Variants in XRCC4 observed in about 807,000 individuals in gnomAD.
XRCC4 encodes the protein X-ray repair cross complementing 4, also known as DNA repair protein XRCC4.
XRCC4 carries 28 observed loss-of-function variants against 39.1 expected under a neutral mutation model. The ratio of observed to expected loss-of-function variants is 0.72; its 90% CI spans 0.53 to 0.98. XRCC4 has a LOEUF of 0.98. XRCC4 is among the 50% of genes least tolerant of loss of function. The pLI is 0.00. For synonymous variants in XRCC4, 123 were observed against 126.4 expected (o/e 0.97, Z 0.18); for missense variants, 350 against 376.4 (o/e 0.93, Z 0.58).
At chr5:83,168,656 T>C (rs2974442) in intron 3 of XRCC4, among the ~76,000 whole-genome samples, 146,766 of 152,226 alleles carry the variant, frequency 0.96, 70,807 homozygotes, top group East Asian at 1. Flanking sequence ...GACCAACATA[T>C]GGTCCAAATT....
chr5:83,174,072 C>T (rs984282284), intron 3 of XRCC4, among the ~76,000 whole-genome samples: 1 of 152,114 alleles, frequency 6.6e-6, no homozygotes, highest in Non-Finnish European at 1.5e-5. Flanking sequence ...TGGGAGCTAC[C>T]GTGCTAAGAA....
At chr5:83,201,089 T>G (rs1374932410) in intron 4 of XRCC4, 1 of 152,218 alleles carries the variant, frequency 6.6e-6, no homozygotes, top group Non-Finnish European at 1.5e-5. Context: ...TGAAAAACAT[T>G]ACTTTTACAA....
intron 4 of XRCC4, among the ~76,000 whole-genome samples, chr5:83,200,501 T>C (rs1357854699): frequency 6.6e-6 from 1 of 152,190 alleles, no homozygotes; most frequent in Non-Finnish European, 1.5e-5. Flanking sequence ...CAATATTCTT[T>C]AGGAATATTA....
At chr5:83,257,355 A>C (rs201363583) in intron 6 of XRCC4, among the ~76,000 whole-genome samples, 5 of 149,904 alleles carry the variant, frequency 3.3e-5, no homozygotes, top group South Asian at 2.1e-4. Flanking sequence ...AAAAAAAAAA[A>C]CCCATTAAAA....
In XRCC4 at chr5:83,351,994, TTG is replaced by T. The variant is rs141601753; in HGVS notation, c.894-1134_894-1133del. The stretch of plus-strand genomic sequence containing the variant: ...GTAATAATAATAGTTTCCAAATTCT[TTG>T]TGGGAATTTACAAGCATTTACATTT... On this transcript the variant is annotated intron_variant, in intron 7 of 7. Coordinates refer to ENST00000396027, the MANE Select transcript of XRCC4 (RefSeq NM_003401.5). 5.0e-3 allele frequency among the ~76,000 whole-genome samples: 755 copies of T among 152,298 alleles called. 15 individuals are homozygous for T. Among genetic ancestry groups the T allele is most frequent in the Admixed American group, 0.027 (418 of 15,298 alleles).
At chr5:83,099,068 T>G (rs1561324131) in intron 1 of XRCC4, among the ~76,000 whole-genome samples, 1 of 152,172 alleles carries the variant, frequency 6.6e-6, no homozygotes, top group Non-Finnish European at 1.5e-5. Flanking sequence ...ATAAAAATAA[T>G]AAGGTCAAAC....
chr5:83,098,565 A>C (rs1435096792), intron 1 of XRCC4, among the ~76,000 whole-genome samples: 1 of 152,140 alleles, frequency 6.6e-6, no homozygotes, highest in East Asian at 1.9e-4. Context: ...ATCTAACTCA[A>C]AAATATTATT....
chr5:83,321,214 G>T (rs111461164), intron 7 of XRCC4, among the ~76,000 whole-genome samples: 11 of 152,246 alleles, frequency 7.2e-5, no homozygotes, highest in African/African-American at 2.6e-4. Flanking sequence ...ACTTTATTGA[G>T]ATTTTGACTT....
chr5:83,264,640 A>T (rs571187725), intron 7 of XRCC4, among the ~76,000 whole-genome samples: 5 of 152,214 alleles, frequency 3.3e-5, no homozygotes, highest in African/African-American at 1.2e-4. Context: ...ACCACCGTTG[A>T]GACCTGGTAC....
chr5:83,136,035 T>G (rs1328231143), intron 3 of XRCC4, among the ~76,000 whole-genome samples: 1 of 152,202 alleles, frequency 6.6e-6, no homozygotes. Flanking sequence ...GGTAAGTTAT[T>G]TAGAAACAGT....
chr5:83,354,794 C>G (rs1006512336), downstream of XRCC4, among the ~76,000 whole-genome samples: 1 of 152,128 alleles, frequency 6.6e-6, no homozygotes, highest in African/African-American at 2.4e-5. Flanking sequence ...CTTGCACATC[C>G]TGTTATTTTT....
chr5:83,214,540 A>G (rs1751777269), intron 6 of XRCC4, among the ~76,000 whole-genome samples: 1 of 152,100 alleles, frequency 6.6e-6, no homozygotes, highest in African/African-American at 2.4e-5. Flanking sequence ...ATCTTTAAAA[A>G]ATAAGGAATT....
At chr5:83,105,779 G>A (rs150405640) in intron 2 of XRCC4, among the ~76,000 whole-genome samples, 131 of 152,114 alleles carry the variant, frequency 8.6e-4, no homozygotes, top group African/African-American at 3.0e-3. Context: ...CTTTTCTAGA[G>A]TTATGTTGTG....
intron 7 of XRCC4, among the ~76,000 whole-genome samples, chr5:83,294,745 C>T (rs1755037479): frequency 6.6e-6 from 1 of 151,910 alleles, no homozygotes; most frequent in Admixed American, 6.6e-5. Context: ...AATACAATAT[C>T]AGGGATGAGG....
At chr5:83,162,774 G>A (rs1383471450) in intron 3 of XRCC4, among the ~76,000 whole-genome samples, 2 of 152,112 alleles carry the variant, frequency 1.3e-5, no homozygotes, top group African/African-American at 4.8e-5. Flanking sequence ...TGGGAACAGA[G>A]GACTTTCATC....
intron 1 of XRCC4, among the ~76,000 whole-genome samples, chr5:83,079,363 A>G (rs1467357492): frequency 6.6e-6 from 1 of 152,096 alleles, no homozygotes; most frequent in African/African-American, 2.4e-5. Context: ...GTGGTAGTTT[A>G]GCTCCATTGT....
rs554037646 is a variant in XRCC4 at position 83,340,918 on chromosome 5, C to T, written c.894-12213C>T. On this transcript the variant is annotated intron_variant, in intron 7 of 7. Coordinates refer to ENST00000396027, the MANE Select transcript of XRCC4 (RefSeq NM_003401.5). Reference sequence around the variant, plus strand: ...TTGTCTACCCATGTGTTTGCCACTTCTCTTGATAGCTAAAAGTAGAGTTCT... The same window carrying T: ...TTGTCTACCCATGTGTTTGCCACTTTTCTTGATAGCTAAAAGTAGAGTTCT... 8.5e-5 allele frequency among the ~76,000 whole-genome samples: 13 copies of T among 152,280 alleles called. No individual in the cohort carries two copies. In the South Asian group the frequency reaches 2.7e-3, roughly 32 times the overall value.
At chr5:83,195,721 T>C in intron 3 of XRCC4, 49 bp from the exon 4 acceptor site, 5 of 1,491,316 alleles carry the variant, frequency 3.4e-6, no homozygotes, top group Non-Finnish European at 4.5e-6. Flanking sequence ...ACCAGGCTTC[T>C]CAATCTTGAT....
At chr5:83,239,650 A>C (rs1359611792) in intron 6 of XRCC4, among the ~76,000 whole-genome samples, 1 of 141,190 alleles carries the variant, frequency 7.1e-6, no homozygotes, top group East Asian at 2.0e-4. Context: ...TAACACGGTG[A>C]AACCCCGTCT....
Sources: gnomAD v4.1 joint callset for allele counts (sites outside exome capture counted in the v4.1 genomes callset) on GRCh38, gnomAD v4.1.1 for gene constraint, MANE v1.5 for transcripts, NCBI Gene and HGNC (gene_info 2026-07-23, HGNC 2026-07-21) for gene names.